The following JPH3 variants were observed in gnomAD, a reference collection of about 807,000 sequenced individuals.
JPH3 encodes the protein junctophilin-3.
JPH3 carries 11 observed loss-of-function variants against 59.6 expected under a neutral mutation model. The observed-to-expected ratio is 0.18, with a 90% CI of 0.12 to 0.31. The LOEUF is 0.31. JPH3 is among the 10% of genes least tolerant of loss of function. The probability of loss-of-function intolerance (pLI) is 1.00; values close to 1 mark genes in which losing one functional copy is unlikely to be tolerated. For missense variants in JPH3, 1,202 were observed against 1,105.7 expected, an observed-to-expected ratio of 1.09 and a Z score of -1.24; for synonymous variants, 673 against 483.6, an observed-to-expected ratio of 1.39 and a Z score of -5.14.
chr16:87,650,648 G>C (rs987072809), intron 2 of JPH3, among the ~76,000 whole-genome samples: 9 of 152,228 alleles, frequency 5.9e-5, no homozygotes, highest in Admixed American at 4.6e-4. Flanking sequence ...TGAATGATAA[G>C]GGAGTGAAAC....
Position 87,690,554 on chromosome 16 carries a change from C to T in JPH3, c.2166+28C>T, listed in dbSNP as rs751569706. On this transcript the variant is annotated intron_variant, in intron 4 of 4. Coordinates refer to ENST00000284262, the MANE Select transcript of JPH3 (RefSeq NM_020655.4). ...GAGTGGGCGGCCACCAGGCTGGTCC[C>T]AGTGGAGGCAACATCCACCTCTCTG... The T allele has an allele frequency of 9.7e-6, 14 of 1,445,070 alleles. No individual in the cohort carries two copies. The Admixed American group carries it at 2.1e-4, about 22-fold the overall frequency. 89.5% of individuals were successfully genotyped at this position (1,445,070 alleles called of 1,614,324 possible).
At chr16:87,691,056 G>A (rs2033557408) in intron 4 of JPH3, among the ~76,000 whole-genome samples, 1 of 151,490 alleles carries the variant, frequency 6.6e-6, no homozygotes. Flanking sequence ...GAGGCCCGCT[G>A]TGTGCAACTC....
intron 2 of JPH3, among the ~76,000 whole-genome samples, chr16:87,670,313 G>C (rs781327316): frequency 7.9e-5 from 12 of 152,296 alleles, no homozygotes; most frequent in Non-Finnish European, 1.5e-4. Flanking sequence ...CTGTCACCAG[G>C]GTCCTGGGAG....
intron 1 of JPH3, among the ~76,000 whole-genome samples, chr16:87,617,508 T>A (rs1597237942): frequency 6.6e-6 from 1 of 151,676 alleles, no homozygotes; most frequent in Non-Finnish European, 1.5e-5. Flanking sequence ...GTGGTCACTC[T>A]GGTGCTGGCA....
chr16:87,633,097 C>T (rs925368905), intron 1 of JPH3, among the ~76,000 whole-genome samples: 8 of 152,138 alleles, frequency 5.3e-5, no homozygotes, highest in African/African-American at 1.9e-4. Flanking sequence ...TCTGTGTCCT[C>T]AGGCTGCCAT....
chr16:87,606,656 G>T (rs2030532636), intron 1 of JPH3, among the ~76,000 whole-genome samples: 1 of 152,188 alleles, frequency 6.6e-6, no homozygotes. Flanking sequence ...TGTAAGGTGG[G>T]TGAGGATTAA....
At chr16:87,655,851 C>A (rs185100471) in intron 2 of JPH3, among the ~76,000 whole-genome samples, 1 of 152,206 alleles carries the variant, frequency 6.6e-6, no homozygotes, top group Non-Finnish European at 1.5e-5. Flanking sequence ...GAATGAGGTT[C>A]GACAGTGCTG....
chr16:87,691,094 C>CA (rs200545048), intron 4 of JPH3, among the ~76,000 whole-genome samples: 3 of 151,254 alleles, frequency 2.0e-5, no homozygotes, highest in South Asian at 2.1e-4. Flanking sequence ...GCACCCCCCC[C>CA]CCAAATTCGT....
In JPH3 at chr16:87,684,020, A is replaced by G. The variant is rs971606841; in HGVS notation, c.1161-122A>G. On this transcript the variant is annotated intron_variant, in intron 2 of 4. Transcript: ENST00000284262. ...AAGATCCAGAAGTCTGAGGGTAAAC[A>G]TGGGGTGCCAGCATCTTGTCTTAGC... 1.2e-5 allele frequency: 8 copies of G among 659,968 alleles called. No homozygotes were observed. In the African/African-American group the frequency reaches 1.5e-4, roughly 12 times the overall value. The allele number at this position is 659,968 out of a possible 1,614,324, so 40.9% of individuals were successfully genotyped here. A position where few individuals can be genotyped will look rare whatever the true frequency, so the allele number is the denominator to read the frequency against.
chr16:87,647,415 A>AG (rs913430057), intron 2 of JPH3, among the ~76,000 whole-genome samples: 10 of 152,054 alleles, frequency 6.6e-5, no homozygotes, highest in Admixed American at 5.9e-4. Context: ...TGAGAGGGAA[A>AG]GGATGGGTTT....
intron 2 of JPH3, among the ~76,000 whole-genome samples, chr16:87,655,817 C>T (rs2032481431): frequency 6.6e-6 from 1 of 152,230 alleles, no homozygotes; most frequent in South Asian, 2.1e-4. Flanking sequence ...TCTGCTCTGC[C>T]CACCTCGTAG....
At chr16:87,618,563 C>G (rs531538574) in intron 1 of JPH3, among the ~76,000 whole-genome samples, 4 of 152,322 alleles carry the variant, frequency 2.6e-5, no homozygotes, top group Admixed American at 1.3e-4. Flanking sequence ...TCGGCACTAA[C>G]TCCACCCCAG....
At chr16:87,628,659 T>C (rs1236909396) in intron 1 of JPH3, among the ~76,000 whole-genome samples, 3 of 152,176 alleles carry the variant, frequency 2.0e-5, no homozygotes, top group Admixed American at 1.3e-4. Context: ...AACATGCTAA[T>C]GTCTCCCTCG....
At chr16:87,692,458 C>G (rs2033619069) in intron 4 of JPH3, among the ~76,000 whole-genome samples, 1 of 152,218 alleles carries the variant, frequency 6.6e-6, no homozygotes. Context: ...AGTGTCTCCC[C>G]TGGGCCACCA....
chr16:87,646,867 TTGGCACTGGG>T (rs2032170566), intron 2 of JPH3, among the ~76,000 whole-genome samples: 1 of 152,188 alleles, frequency 6.6e-6, no homozygotes, highest in Non-Finnish European at 1.5e-5. Context: ...TTTCACAGCC[TTGGCACTGGG>T]TGGATGTCTG....
In JPH3 at chr16:87,690,445, G is replaced by C. The variant is rs2033539024; in HGVS notation, c.2085G>C (p.Leu695Phe). The change falls in exon 4 of 5, where the codon TTG becomes TTC. Residue 695 changes from leucine to phenylalanine, a missense_variant. By Grantham distance (22) the Leu-to-Phe change is conservative (BLOSUM62 0). Transcript: ENST00000284262. ...GAEPRLLRWD[L>F]TFSPPQKSLP... ...AGCCCCGGTTGCTGCGTTGGGACTT[G>C]ACCTTCTCCCCGCCCCAGAAATCCT... 1 of 1,489,130 alleles carries C rather than the reference G, an allele frequency of 6.7e-7. No homozygotes were observed. Among genetic ancestry groups the C allele is most frequent in the African/African-American group, 1.4e-5 (1 of 70,650 alleles). The allele number at this position is 1,489,130 out of a possible 1,614,324, so 92.2% of individuals were successfully genotyped here.
At chr16:87,663,253 C>T (rs1299703290) in intron 2 of JPH3, among the ~76,000 whole-genome samples, 1 of 152,082 alleles carries the variant, frequency 6.6e-6, no homozygotes, top group East Asian at 1.9e-4. Context: ...GGACTACAGG[C>T]CTGTGCCACG....
Position 87,644,624 on chromosome 16 carries a change from T to A in JPH3, c.749T>A (p.Met250Lys). ...KQSSFRSEAG[M>K]STVSSTASDI... ...AGCTCCTTTCGCAGCGAGGCGGGCATGAGCACCGTCAGCTCCACGGCCAGC... is the reference window on the plus strand; with the variant it reads ...AGCTCCTTTCGCAGCGAGGCGGGCAAGAGCACCGTCAGCTCCACGGCCAGC... Residue 250 changes from methionine to lysine, a missense_variant, in exon 2 of 5, where the codon ATG (methionine) becomes AAG (lysine). Coordinates refer to ENST00000284262, the MANE Select transcript of JPH3 (RefSeq NM_020655.4). The A allele has an allele frequency of 1.9e-6, 3 of 1,612,400 alleles. No individual in the cohort carries two copies. The highest frequency in any genetic ancestry group is 2.5e-6 in the Non-Finnish European group (3 of 1,179,872).
At chr16:87,693,658 CAG>C (rs2033674421) in intron 4 of JPH3, 1 of 145,764 alleles carries the variant, frequency 6.9e-6, no homozygotes. Context: ...GCCTGGGCAA[CAG>C]AGCGAGACTC....
Sources: allele counts gnomAD v4.1 joint callset (sites outside exome capture counted in the v4.1 genomes callset), GRCh38; gene constraint gnomAD v4.1.1; transcripts MANE v1.5; gene names NCBI Gene and HGNC (gene_info 2026-07-23, HGNC 2026-07-21).